The following CHN2 variants were observed in gnomAD, a reference collection of about 807,000 sequenced individuals.
CHN2 encodes beta-chimaerin.
Under a neutral mutation model 56.3 loss-of-function variants are expected in CHN2, and 35 were observed. The observed-to-expected ratio is 0.62, with a 90% CI of 0.47 to 0.82. The LOEUF is 0.82. Ranked by LOEUF, CHN2 falls within the 40% of genes least tolerant of loss-of-function variation. CHN2 has a pLI of 0.00. For synonymous variants in CHN2, 210 were observed against 212.8 expected (o/e 0.99, Z 0.12); for missense variants, 491 against 580.5 (o/e 0.85, Z 1.58).
intron 2 of CHN2, among the ~76,000 whole-genome samples, chr7:29,170,804 C>T (rs1796501528): frequency 6.6e-6 from 1 of 152,108 alleles, no homozygotes; most frequent in Non-Finnish European, 1.5e-5. Context: ...ACAATCATGG[C>T]GGAAGGCGAG....
chr7:29,293,709 C>T (rs1792866902), intron 1 of CHN2, among the ~76,000 whole-genome samples: 1 of 152,166 alleles, frequency 6.6e-6, no homozygotes, highest in South Asian at 2.1e-4. Flanking sequence ...TCCATTCAAG[C>T]ACGTACTTGA....
intron 3 of CHN2, among the ~76,000 whole-genome samples, chr7:29,381,107 A>G (rs542246338): frequency 6.6e-6 from 1 of 152,294 alleles, no homozygotes; most frequent in Non-Finnish European, 1.5e-5. Flanking sequence ...CTGGATTTTG[A>G]GTCTCCTTTA....
At chr7:29,256,809 C>T (rs1211851535) in intron 1 of CHN2, among the ~76,000 whole-genome samples, 3 of 151,994 alleles carry the variant, frequency 2.0e-5, no homozygotes, top group Admixed American at 6.6e-5. Flanking sequence ...GAGGAGGAAC[C>T]GATCGCCCCC....
intron 1 of CHN2, chr7:29,333,119 G>A (rs1293023095): frequency 6.6e-6 from 1 of 152,206 alleles, no homozygotes; most frequent in East Asian, 1.9e-4. Context: ...GTAGTCTGTG[G>A]AGCTGGGAAG....
chr7:29,400,935 C>A, intron 6 of CHN2, 107 bp downstream of exon 6: 1 of 1,104,438 alleles, frequency 9.1e-7, no homozygotes, highest in Non-Finnish European at 1.3e-6. Flanking sequence ...GACCCACCCC[C>A]ACCCGAAGAA....
At chr7:29,204,912 C>T (rs374415119) in intron 1 of CHN2, among the ~76,000 whole-genome samples, 1 of 152,314 alleles carries the variant, frequency 6.6e-6, no homozygotes, top group South Asian at 2.1e-4. Flanking sequence ...AGAATCACAG[C>T]AAATCCTAGG....
chr7:29,434,378 C>CTT lies in CHN2; in HGVS notation c.576+33561_576+33562dup, dbSNP rs201268005. On this transcript the variant is annotated intron_variant, in intron 6 of 12. Coordinates refer to ENST00000222792, the MANE Select transcript of CHN2 (RefSeq NM_004067.4). ...AACTGCATGCCTTAGAACAACAGACCTTTTTTTTTTTTCTTCTCAATTCTG... is the reference window on the plus strand; with the variant it reads ...AACTGCATGCCTTAGAACAACAGACCTTTTTTTTTTTTTTCTTCTCAATTCTG... Among the ~76,000 whole-genome samples, 20 of 147,936 alleles carry CTT rather than the reference C, an allele frequency of 1.4e-4. 1 individual carries two copies. Among genetic ancestry groups the CTT allele is most frequent in the Admixed American group, 8.8e-4 (13 of 14,850 alleles).
chr7:29,274,323 A>T (rs1206081639), intron 1 of CHN2, among the ~76,000 whole-genome samples: 1 of 152,208 alleles, frequency 6.6e-6, no homozygotes, highest in Non-Finnish European at 1.5e-5. Context: ...TGCACAACAC[A>T]TACGTTTTTC....
intron 1 of CHN2, among the ~76,000 whole-genome samples, chr7:29,339,111 A>T (rs1269716041): frequency 6.6e-6 from 1 of 152,220 alleles, no homozygotes; most frequent in African/African-American, 2.4e-5. Flanking sequence ...ACTTGAAATG[A>T]TGTTAATCAG....
Position 29,512,900 on chromosome 7 carries a change from A to G in CHN2, c.*165A>G. The G allele has an allele frequency of 1.5e-6, 1 of 665,030 alleles. No individual in the cohort carries two copies. The highest frequency in any genetic ancestry group is 2.4e-6 in the Non-Finnish European group (1 of 409,252). The allele number at this position is 665,030 out of a possible 1,614,324, so 41.2% of individuals were successfully genotyped here. A position where few individuals can be genotyped will look rare whatever the true frequency, so the allele number is the denominator to read the frequency against. On this transcript the variant is annotated 3_prime_UTR_variant, in exon 13 of 13. Coordinates refer to ENST00000222792, the MANE Select transcript of CHN2 (RefSeq NM_004067.4). ...GTACTGTGTCTCATAGACATGCGCC[A>G]CCTCCACGTGAGAACAAGGGTGAAG...
At chr7:29,269,446 C>T (rs1054838757) in intron 1 of CHN2, among the ~76,000 whole-genome samples, 1 of 152,174 alleles carries the variant, frequency 6.6e-6, no homozygotes, top group African/African-American at 2.4e-5. Flanking sequence ...TTTATCCATG[C>T]ACCTGTTGAT....
chr7:29,304,370 A>C (rs1793971019), intron 1 of CHN2, among the ~76,000 whole-genome samples: 1 of 152,200 alleles, frequency 6.6e-6, no homozygotes, highest in Admixed American at 6.5e-5. Context: ...GAAGGAGCAA[A>C]TAAACATATT....
intron 8 of CHN2, among the ~76,000 whole-genome samples, chr7:29,498,698 G>T (rs904995605): frequency 6.7e-6 from 1 of 149,156 alleles, no homozygotes; most frequent in Non-Finnish European, 1.5e-5. Flanking sequence ...CATCAACTTT[G>T]AACAACTTCA....
Position 29,164,391 on chromosome 7 carries a change from C to A in CHN2, c.274+17431C>A, listed in dbSNP as rs906486972. Among the ~76,000 whole-genome samples the A allele has an allele frequency of 3.3e-5, 5 of 151,858 alleles. No homozygotes were observed. The South Asian group carries it at 8.3e-4, about 25-fold the overall frequency. On this transcript the variant is annotated intron_variant, in intron 2 of 6. Transcript: ENST00000439384. ...GGTTTATTTTATATAAAATGCAAAC[C>A]CTTCATAAAATATATATTTTGCAGA...
rs545870665 is a variant in CHN2, at chr7:29,212,175, A to C, written c.49+17185A>C. On this transcript the variant is annotated intron_variant, in intron 1 of 12. Transcript: ENST00000222792. ...TGTGGAGGCAACTCACTTCATCCCA[A>C]CTTCTTGATACTTTTGCTTCTGGAA... The C allele has an allele frequency of 7.4e-4, 438 of 595,832 alleles. 1 individual carries two copies. The highest frequency in any genetic ancestry group is 5.4e-3 in the Middle Eastern group (12 of 2,230). The allele number at this position is 595,832 out of a possible 1,614,324, so 36.9% of individuals were successfully genotyped here.
At chr7:29,271,089 G>A (rs77171499) in intron 1 of CHN2, among the ~76,000 whole-genome samples, 2,955 of 152,238 alleles carry the variant, frequency 0.019, 33 homozygotes, top group Middle Eastern at 0.034. Flanking sequence ...AAACAGAAAC[G>A]ATTAACCTTG....
At chr7:29,398,916 T>C (rs1211847042) in intron 5 of CHN2, among the ~76,000 whole-genome samples, 1 of 152,090 alleles carries the variant, frequency 6.6e-6, no homozygotes, top group Non-Finnish European at 1.5e-5. Context: ...TTTAAAATTT[T>C]TAAGTAAAAT....
At chr7:29,238,218 C>G (rs1002920590) in intron 1 of CHN2, among the ~76,000 whole-genome samples, 1 of 151,900 alleles carries the variant, frequency 6.6e-6, no homozygotes, top group Non-Finnish European at 1.5e-5. Context: ...TGGGGTTTCA[C>G]TGTGTTAGCC....
At chr7:29,353,799 T>C (rs913485551) in intron 1 of CHN2, among the ~76,000 whole-genome samples, 2 of 152,174 alleles carry the variant, frequency 1.3e-5, no homozygotes, top group African/African-American at 4.8e-5. Context: ...ATCAACGTTC[T>C]GTAGTTTGGA....
Sources: allele counts gnomAD v4.1 joint callset (sites outside exome capture counted in the v4.1 genomes callset), GRCh38; gene constraint gnomAD v4.1.1; transcripts MANE v1.5; gene names NCBI Gene and HGNC (gene_info 2026-07-23, HGNC 2026-07-21).